The following TIA1 variants were observed in gnomAD, a reference collection of about 807,000 sequenced individuals.
TIA1 encodes cytotoxic granule associated RNA binding protein TIA1.
TIA1 carries 23 observed loss-of-function variants against 65.9 expected under a neutral mutation model. The ratio of observed to expected loss-of-function variants is 0.35; its 90% CI spans 0.25 to 0.49. The LOEUF (loss-of-function observed/expected upper bound fraction) is 0.49. Among genes scored for constraint, TIA1 ranks in the 20% least tolerant of loss-of-function variants. TIA1 has a pLI of 0.98. For synonymous variants in TIA1, 147 were observed against 149.4 expected, an observed-to-expected ratio of 0.98 and a Z score of 0.12; for missense variants, 371 against 477.9, an observed-to-expected ratio of 0.78 and a Z score of 2.09.
intron 1 of TIA1, among the ~76,000 whole-genome samples, chr2:70,239,872 A>G (rs1690901438): frequency 6.6e-6 from 1 of 152,224 alleles, no homozygotes; most frequent in Non-Finnish European, 1.5e-5. Context: ...CATTTATCCT[A>G]TTAAGTAGGA....
intron 5 of TIA1, chr2:70,228,681 T>C (rs138716901): frequency 1.0e-6 from 1 of 985,322 alleles, no homozygotes. Flanking sequence ...GTTACCCATA[T>C]TTGACAGGCC....
At chr2:70,236,628 C>T (rs1360740470) in intron 1 of TIA1, among the ~76,000 whole-genome samples, 1 of 151,920 alleles carries the variant, frequency 6.6e-6, no homozygotes, top group Admixed American at 6.6e-5. Flanking sequence ...CTCAATTTAC[C>T]TCAATTTATT....
chr2:70,213,247 A>G (rs1019493051), intron 12 of TIA1, among the ~76,000 whole-genome samples: 1 of 152,192 alleles, frequency 6.6e-6, no homozygotes, highest in African/African-American at 2.4e-5. Flanking sequence ...CCTACAACGA[A>G]AAAGGAACAT....
chr2:70,243,610 G>C (rs956993049), intron 1 of TIA1, among the ~76,000 whole-genome samples: 2 of 152,122 alleles, frequency 1.3e-5, no homozygotes, highest in Non-Finnish European at 2.9e-5. Flanking sequence ...AAACCAGCTT[G>C]AACAAATGTA....
chr2:70,229,523 A>G (rs1685203709), intron 3 of TIA1, among the ~76,000 whole-genome samples: 1 of 152,198 alleles, frequency 6.6e-6, no homozygotes, highest in East Asian at 1.9e-4. Context: ...GTCTGTTATC[A>G]TTCAATTAAC....
intron 12 of TIA1, 46 bp downstream of exon 12, chr2:70,214,303 T>C: frequency 1.3e-6 from 2 of 1,557,036 alleles, no homozygotes; most frequent in Non-Finnish European, 1.7e-6. Flanking sequence ...AAAATTTCTT[T>C]AGACATTTTC....
intron 8 of TIA1, 145 bp from the exon 9 acceptor site, chr2:70,216,644 T>G: frequency 7.5e-7 from 1 of 1,339,622 alleles, no homozygotes; most frequent in Non-Finnish European, 1.0e-6. Context: ...AGTTCAGAAT[T>G]AAACCTCCCC....
intron 8 of TIA1, 74 bp downstream of exon 8, chr2:70,216,812 C>T: frequency 6.2e-7 from 1 of 1,610,800 alleles, no homozygotes; most frequent in South Asian, 1.1e-5. Flanking sequence ...TCTCCGGGAA[C>T]AGCTCTAACA....
chr2:70,229,320 TAAA>T lies in TIA1; in HGVS notation c.223-5_223-3del. 1 of 1,225,518 alleles carries T rather than the reference TAAA, an allele frequency of 8.2e-7. No individual in the cohort carries two copies. The highest frequency in any genetic ancestry group is 1.1e-6 in the Non-Finnish European group (1 of 893,008). 75.9% of individuals were successfully genotyped at this position (1,225,518 alleles called of 1,614,324 possible). A position where few individuals can be genotyped will look rare whatever the true frequency, so the allele number is the denominator to read the frequency against. ...TGTTGCCCAATTCACTTTGACTTCC[TAAA>T]AAAAAAAAATTTCTACATTTATACT... On this transcript the variant is annotated splice_polypyrimidine_tract_variant and splice_region_variant and intron_variant, in intron 3 of 12. Coordinates refer to ENST00000433529, the MANE Select transcript of TIA1 (RefSeq NM_022173.4).
intron 8 of TIA1, 57 bp downstream of exon 8, chr2:70,216,829 A>G: frequency 1.2e-6 from 2 of 1,612,786 alleles, no homozygotes; most frequent in Non-Finnish European, 1.7e-6. Flanking sequence ...AACATTTAAA[A>G]TCTAGCGTAT....
intron 11 of TIA1, 109 bp from the exon 12 acceptor site, chr2:70,214,603 A>G: frequency 2.3e-6 from 2 of 876,906 alleles, no homozygotes; most frequent in Non-Finnish European, 3.1e-6. Flanking sequence ...ATTACAATTA[A>G]AATGACAGGA....
intron 5 of TIA1, chr2:70,228,549 T>A: frequency 9.0e-7 from 1 of 1,108,316 alleles, no homozygotes; most frequent in South Asian, 2.1e-5. Context: ...CCAACCCATA[T>A]CTGAAGTTTT....
At position 70,236,154 on chromosome 2, in the gene TIA1, T is replaced by C. The variant is rs115062005; in HGVS notation, c.48A>G (p.Arg16=). ...PKTLYVGNLS[R]DVTEALILQL... is the part of the protein sequence containing the mutation. The stretch of plus-strand genomic sequence containing the variant: ...GCAGAATTAGAGCTTCTGTCACATC[T>C]CTGGAAAGGTTACCGACGTATCTGA... Residue 16 remains arginine, a synonymous_variant, in exon 2 of 13, where the codon AGA becomes AGG. Transcript: ENST00000433529. The C allele has an allele frequency of 3.2e-5, 51 of 1,611,250 alleles. No individual in the cohort carries two copies. The African/African-American group carries it at 5.1e-4, about 16-fold the overall frequency.
intron 11 of TIA1, among the ~76,000 whole-genome samples, chr2:70,214,951 G>C (rs1301950721): frequency 6.6e-6 from 1 of 152,046 alleles, no homozygotes; most frequent in African/African-American, 2.4e-5. Flanking sequence ...GTGGAATCAA[G>C]TTTGAACCAC....
intron 6 of TIA1, chr2:70,225,054 A>G (rs1273713229): frequency 1.0e-6 from 1 of 981,370 alleles, no homozygotes; most frequent in Non-Finnish European, 1.2e-6. Flanking sequence ...ACTGGAAACC[A>G]AAAGAATGAA....
chr2:70,227,749 T>C lies in TIA1; in HGVS notation c.384A>G (p.Pro128=), dbSNP rs778848447. The C allele has an allele frequency of 9.4e-6, 15 of 1,590,302 alleles. No individual in the cohort carries two copies. Among genetic ancestry groups the C allele is most frequent in the African/African-American group, 2.7e-5 (2 of 74,524 alleles). The change falls in exon 6 of 13, where the codon CCA becomes CCG. Residue 128 remains proline, a synonymous_variant. Coordinates refer to ENST00000433529, the MANE Select transcript of TIA1 (RefSeq NM_022173.4). The part of the protein sequence containing the change: ...TTEDIKAAFA[P]FGRISDARVV... ...CTGTTACTTACGATATTCTTCCAAA[T>C]GGTGCAAAAGCAGCTTTTATATCTT...
intron 1 of TIA1, among the ~76,000 whole-genome samples, chr2:70,248,040 G>A (rs940147664): frequency 2.6e-5 from 4 of 151,982 alleles, no homozygotes; most frequent in African/African-American, 9.7e-5. Context: ...AATCAAAAAG[G>A]GGGAGAAGCG....
At chr2:70,228,568 A>G in intron 5 of TIA1, 1 of 1,103,516 alleles carries the variant, frequency 9.1e-7, no homozygotes, top group Non-Finnish European at 1.1e-6. Flanking sequence ...TTTAAAAAAG[A>G]CAATTATCAA....
intron 2 of TIA1, among the ~76,000 whole-genome samples, chr2:70,234,339 G>T (rs997830545): frequency 6.6e-6 from 1 of 152,250 alleles, no homozygotes; most frequent in African/African-American, 2.4e-5. Context: ...GGAAAGACTG[G>T]TTTTAAATTT....
Sources: allele counts gnomAD v4.1 joint callset (sites outside exome capture counted in the v4.1 genomes callset), GRCh38; gene constraint gnomAD v4.1.1; transcripts MANE v1.5; gene names NCBI Gene and HGNC (gene_info 2026-07-23, HGNC 2026-07-21).